The following ZNF423 variants were observed in gnomAD, a reference collection of about 807,000 sequenced individuals.
ZNF423 encodes the protein Ebf-associated zinc finger protein.
A neutral mutation model predicts 95.8 loss-of-function variants in ZNF423; 12 were observed. The ratio of observed to expected loss-of-function variants is 0.13; its 90% CI spans 0.08 to 0.20. The LOEUF (loss-of-function observed/expected upper bound fraction) is 0.20, where lower values mean the gene tolerates loss of function less well. ZNF423 is among the 10% of genes least tolerant of loss of function. The probability of loss-of-function intolerance (pLI) is 1.00; values close to 1 mark genes in which losing one functional copy is unlikely to be tolerated. For missense variants in ZNF423, 1,316 were observed against 1,737.1 expected (o/e 0.76, Z 4.31); for synonymous variants, 749 against 711.9 (o/e 1.05, Z -0.83).
chr16:49,672,238 A>G (rs1321506948), intron 3 of ZNF423, among the ~76,000 whole-genome samples: 3 of 152,136 alleles, frequency 2.0e-5, no homozygotes, highest in African/African-American at 4.8e-5. Flanking sequence ...CAAATACATT[A>G]CAGAAAAAAA....
At chr16:49,521,116 C>T (rs1180849850) in intron 7 of ZNF423, among the ~76,000 whole-genome samples, 2 of 152,186 alleles carry the variant, frequency 1.3e-5, no homozygotes, top group Non-Finnish European at 2.9e-5. Context: ...AGCAGCCTCC[C>T]TCCACCTCTG....
chr16:49,808,209 G>C (rs1321984407), intron 1 of ZNF423, among the ~76,000 whole-genome samples: 1 of 151,930 alleles, frequency 6.6e-6, no homozygotes, highest in Non-Finnish European at 1.5e-5. Flanking sequence ...CTACAGATGT[G>C]CACTACCACA....
At chr16:49,856,517 G>A (rs1320181728), upstream of ZNF423, among the ~76,000 whole-genome samples, 1 of 151,312 alleles carries the variant, frequency 6.6e-6, no homozygotes, top group Non-Finnish European at 1.5e-5. Context: ...CAAGCGCCTG[G>A]TTTGGAGATT....
At chr16:49,729,335 T>C (rs1443952955) in intron 3 of ZNF423, among the ~76,000 whole-genome samples, 1 of 152,208 alleles carries the variant, frequency 6.6e-6, no homozygotes, top group Non-Finnish European at 1.5e-5. Flanking sequence ...CCAACATCTA[T>C]AATATTATTC....
chr16:49,644,685 A>ACC (rs1567528932), intron 3 of ZNF423, among the ~76,000 whole-genome samples: 1 of 133,736 alleles, frequency 7.5e-6, no homozygotes, highest in African/African-American at 3.2e-5. Context: ...AAAAAAAAAA[A>ACC]AAAAAAAAAA....
At chr16:49,577,341 G>T (rs79694165) in intron 5 of ZNF423, among the ~76,000 whole-genome samples, 102 of 152,268 alleles carry the variant, frequency 6.7e-4, no homozygotes, top group Non-Finnish European at 1.2e-3. Context: ...TAAGGAGAGG[G>T]TACCGTTATC....
At chr16:49,785,423 G>A (rs1186205124) in intron 2 of ZNF423, among the ~76,000 whole-genome samples, 3 of 152,210 alleles carry the variant, frequency 2.0e-5, no homozygotes, top group African/African-American at 7.2e-5. Flanking sequence ...TAAGTTGACT[G>A]TAGTAATGGT....
chr16:49,811,403 A>G (rs906249451), intron 1 of ZNF423, among the ~76,000 whole-genome samples: 5 of 152,126 alleles, frequency 3.3e-5, no homozygotes, highest in African/African-American at 1.2e-4. Flanking sequence ...CTGGGGGTGG[A>G]GGAGACAATG....
chr16:49,677,767 AAAGAG>A (rs747025452), intron 3 of ZNF423, among the ~76,000 whole-genome samples: 16 of 146,748 alleles, frequency 1.1e-4, no homozygotes, highest in East Asian at 6.0e-4. Context: ...AAAAAAAAAA[AAAGAG>A]AGAGAGAGAG....
chr16:49,643,047 C>A (rs1368391394), intron 3 of ZNF423, among the ~76,000 whole-genome samples: 1 of 152,072 alleles, frequency 6.6e-6, no homozygotes, highest in Non-Finnish European at 1.5e-5. Context: ...TCTCGAACTC[C>A]TGACCTCAAG....
chr16:49,772,753 C>T (rs1215587288), intron 2 of ZNF423, among the ~76,000 whole-genome samples: 2 of 152,148 alleles, frequency 1.3e-5, no homozygotes, highest in South Asian at 2.1e-4. Flanking sequence ...AATTTACCTG[C>T]CCCACAAGGG....
upstream of ZNF423, among the ~76,000 whole-genome samples, chr16:49,858,722 C>CA (rs1371568104): frequency 7.1e-6 from 1 of 141,630 alleles, no homozygotes; most frequent in Non-Finnish European, 1.6e-5. The surrounding 1 kb of genome is among the most constrained non-coding windows in gnomAD (Gnocchi z 4.3). Context: ...TAGGAGCCCC[C>CA]CCCCCCACGC....
chr16:49,700,087 T>C (rs951419240), intron 3 of ZNF423, among the ~76,000 whole-genome samples: 12 of 150,422 alleles, frequency 8.0e-5, no homozygotes, highest in Admixed American at 1.3e-4. Flanking sequence ...GCCTCCTTGA[T>C]CAGGCAGAAG....
At chr16:49,658,431 C>G (rs1255408497) in intron 3 of ZNF423, among the ~76,000 whole-genome samples, 3 of 152,252 alleles carry the variant, frequency 2.0e-5, no homozygotes, top group Non-Finnish European at 4.4e-5. Flanking sequence ...CCACTCACCC[C>G]TAAACTCATC....
chr16:49,520,204 G>A (rs772082807), intron 7 of ZNF423, among the ~76,000 whole-genome samples: 1 of 152,146 alleles, frequency 6.6e-6, no homozygotes, highest in African/African-American at 2.4e-5. Context: ...GGCACATCAT[G>A]GGCCCTCCAC....
At chr16:49,828,986 C>T (rs2035034792) in intron 1 of ZNF423, among the ~76,000 whole-genome samples, 1 of 152,186 alleles carries the variant, frequency 6.6e-6, no homozygotes, top group African/African-American at 2.4e-5. Flanking sequence ...GCTGGGCCCT[C>T]ATTCACCCTC....
At chr16:49,615,817 A>G (rs910990864) in intron 5 of ZNF423, among the ~76,000 whole-genome samples, 7 of 152,192 alleles carry the variant, frequency 4.6e-5, no homozygotes, top group African/African-American at 1.4e-4. Context: ...CCCTACAGGG[A>G]AAGGACGTGC....
rs1177172288 is a variant in ZNF423 at position 49,637,744 on chromosome 16, G to A, written c.1432C>T (p.Pro478Ser). The change falls in exon 4 of 8, where the codon CCT becomes TCT. Residue 478 changes from proline (P) to serine (S), a missense_variant. Coordinates refer to ENST00000563137, the MANE Select transcript of ZNF423 (RefSeq NM_001379286.1). The surrounding 1 kb of genome is among the most constrained non-coding windows in gnomAD (Gnocchi z 5.6). ...VRKLHKNHAY[P>S]VMQFGNISAF... ...GAGATGTTGCCAAACTGCATCACAG[G>A]GTAGGCATGGTTCTTGTGCAGCTTG... The A allele has an allele frequency of 1.2e-6, 2 of 1,614,132 alleles. No homozygotes were observed. The highest frequency in any genetic ancestry group is 1.1e-5 in the South Asian group (1 of 91,082).
intron 5 of ZNF423, among the ~76,000 whole-genome samples, chr16:49,557,917 C>T (rs1180702986): frequency 1.3e-5 from 2 of 152,054 alleles, no homozygotes; most frequent in East Asian, 3.9e-4. Flanking sequence ...ACCTGGGGCC[C>T]CCAAAGCCAG....
Sources: allele counts gnomAD v4.1 joint callset (sites outside exome capture counted in the v4.1 genomes callset), GRCh38; gene constraint gnomAD v4.1.1; non-coding constraint Gnocchi (gnomAD v3.1); transcripts MANE v1.5; gene names NCBI Gene and HGNC (gene_info 2026-07-23, HGNC 2026-07-21).